NALF1: variants seen among roughly 807,000 people sequenced by gnomAD.
NALF1 encodes the protein NALCN channel auxiliary factor 1.
NALF1 carries 3 observed loss-of-function variants against 48.4 expected under a neutral mutation model. The ratio of observed to expected loss-of-function variants is 0.06; its 90% CI spans 0.03 to 0.16. The LOEUF (loss-of-function observed/expected upper bound fraction) is 0.16. Among genes scored for constraint, NALF1 ranks in the 10% least tolerant of loss-of-function variants. The pLI is 1.00. For missense variants in NALF1, 526 were observed against 571.5 expected (o/e 0.92, Z 0.81); for synonymous variants, 262 against 245.7 (o/e 1.07, Z -0.62).
chr13:107,170,396 A>T lies in NALF1; in HGVS notation c.*101T>A. On this transcript the variant is annotated 3_prime_UTR_variant, in exon 3 of 3. Transcript: ENST00000375915. ...ATTTTACCCTAAAGGCCTTGCAATA[A>T]GTAATTCGAGGGTAAAAGCACCCAG... 8.3e-7 allele frequency: 1 copy of T among 1,206,866 alleles called. No individual in the cohort carries two copies. Among genetic ancestry groups the T allele is most frequent in the South Asian group, 1.5e-5 (1 of 68,028 alleles). 74.8% of individuals were successfully genotyped at this position (1,206,866 alleles called of 1,614,324 possible). A position where few individuals can be genotyped will look rare whatever the true frequency, so the allele number is the denominator to read the frequency against.
At chr13:107,681,150 C>T (rs1313610759) in intron 1 of NALF1, among the ~76,000 whole-genome samples, 4 of 152,088 alleles carry the variant, frequency 2.6e-5, no homozygotes, top group East Asian at 3.9e-4. Flanking sequence ...GCAAAATACC[C>T]GGCCATACAT....
At position 107,867,160 on chromosome 13, in the gene NALF1, TTCCTCCTCCTTC is replaced by T. The variant is rs888189853; in HGVS notation, c.-576_-565del. Among the ~76,000 whole-genome samples the T allele has an allele frequency of 2.0e-5, 3 of 150,070 alleles. No homozygotes were observed. The highest frequency in any genetic ancestry group is 7.3e-5 in the African/African-American group (3 of 40,974). Reference sequence around the variant, plus strand: ...TCCTCCTCCTCTTCTTCTCCTCCTCTTCCTCCTCCTTCCTTTCCTTCTCCTTCTTCTTCTCCT... The same window carrying T: ...TCCTCCTCCTCTTCTTCTCCTCCTCTCTTTCCTTCTCCTTCTTCTTCTCCT... On this transcript the variant is annotated 5_prime_UTR_variant, in exon 1 of 3. Coordinates refer to ENST00000375915, the MANE Select transcript of NALF1 (RefSeq NM_001080396.3). The surrounding 1 kb of genome is among the most constrained non-coding windows in gnomAD (Gnocchi z 4.4).
At chr13:107,234,746 T>C (rs1014294848) in intron 1 of NALF1, among the ~76,000 whole-genome samples, 6 of 152,170 alleles carry the variant, frequency 3.9e-5, no homozygotes, top group African/African-American at 1.4e-4. Flanking sequence ...ACCAAGAGCA[T>C]TTTCAGCTCT....
intron 2 of NALF1, among the ~76,000 whole-genome samples, chr13:107,185,851 G>C (rs1298633822): frequency 6.6e-6 from 1 of 152,102 alleles, no homozygotes; most frequent in Non-Finnish European, 1.5e-5. Context: ...TCAACACTTT[G>C]CTGAGCAGTC....
intron 1 of NALF1, among the ~76,000 whole-genome samples, chr13:107,381,307 C>A (rs1179922183): frequency 6.6e-6 from 1 of 150,988 alleles, no homozygotes; most frequent in Non-Finnish European, 1.5e-5. Context: ...CTCAAGCGAT[C>A]CTGCAGCCTC....
At chr13:107,597,120 C>A (rs1878776761) in intron 1 of NALF1, among the ~76,000 whole-genome samples, 1 of 152,050 alleles carries the variant, frequency 6.6e-6, no homozygotes, top group Non-Finnish European at 1.5e-5. Context: ...TTCATACATG[C>A]CCTCAGAAAA....
chr13:107,273,716 A>G (rs1169908101), intron 1 of NALF1, among the ~76,000 whole-genome samples: 1 of 152,200 alleles, frequency 6.6e-6, no homozygotes, highest in Non-Finnish European at 1.5e-5. Flanking sequence ...GACACTACAC[A>G]TACTGTTTGA....
At chr13:107,624,762 G>C (rs1879621277) in intron 1 of NALF1, among the ~76,000 whole-genome samples, 1 of 152,180 alleles carries the variant, frequency 6.6e-6, no homozygotes, top group Non-Finnish European at 1.5e-5. Context: ...ATTCCTCACT[G>C]CATTAAGCTC....
chr13:107,593,350 AT>A lies in NALF1; in HGVS notation c.915+272331del, dbSNP rs551347882. On this transcript the variant is annotated intron_variant, in intron 1 of 2. Coordinates refer to ENST00000375915, the MANE Select transcript of NALF1 (RefSeq NM_001080396.3). ...TATTTATCCATGGTTTTATTATTTA[AT>A]TTTTATGGCTACTTTTTAACCCTAG... Among the ~76,000 whole-genome samples the A allele has an allele frequency of 2.3e-4, 35 of 151,966 alleles. 1 individual carries two copies. The South Asian group carries it at 7.3e-3, about 32-fold the overall frequency.
intron 2 of NALF1, among the ~76,000 whole-genome samples, chr13:107,173,025 T>TCTA (rs769764504): frequency 3.9e-5 from 6 of 152,186 alleles, no homozygotes; most frequent in Non-Finnish European, 8.8e-5. Context: ...ATAACATGCA[T>TCTA]CTATATTAAG....
At chr13:107,656,234 G>GA (rs888949277) in intron 1 of NALF1, among the ~76,000 whole-genome samples, 1 of 150,980 alleles carries the variant, frequency 6.6e-6, no homozygotes, top group Non-Finnish European at 1.5e-5. Flanking sequence ...CACAGAGTGG[G>GA]AAAAAATCTT....
intron 1 of NALF1, among the ~76,000 whole-genome samples, chr13:107,760,521 T>A (rs978443814): frequency 6.6e-6 from 1 of 152,186 alleles, no homozygotes; most frequent in East Asian, 1.9e-4. Context: ...GAACAAGTAA[T>A]CTGGAAATCT....
chr13:107,176,316 G>GT (rs5806633), intron 2 of NALF1, among the ~76,000 whole-genome samples: 5,252 of 123,244 alleles, frequency 0.043, 185 homozygotes, highest in Non-Finnish European at 0.063. Context: ...CAACCTCACA[G>GT]TTTTTTTTTT....
intron 2 of NALF1, among the ~76,000 whole-genome samples, chr13:107,197,600 T>C (rs1425314968): frequency 6.6e-6 from 1 of 152,236 alleles, no homozygotes; most frequent in Non-Finnish European, 1.5e-5. Context: ...TCCACTCTCG[T>C]GTCTGCATTC....
chr13:107,809,023 C>T (rs1878903552), intron 1 of NALF1, among the ~76,000 whole-genome samples: 2 of 152,050 alleles, frequency 1.3e-5, no homozygotes, highest in South Asian at 4.1e-4. Flanking sequence ...TCAGTGAAAA[C>T]CTATGACTAA....
chr13:107,697,701 C>A (rs1252067917), intron 1 of NALF1, among the ~76,000 whole-genome samples: 2 of 152,204 alleles, frequency 1.3e-5, no homozygotes, highest in African/African-American at 4.8e-5. Flanking sequence ...AATATCTACA[C>A]ACAAATATGA....
At chr13:107,757,295 G>A (rs548257659) in intron 1 of NALF1, among the ~76,000 whole-genome samples, 1 of 152,276 alleles carries the variant, frequency 6.6e-6, no homozygotes, top group East Asian at 1.9e-4. Context: ...GGGTGGGACG[G>A]AGAGGGGGAG....
At chr13:107,522,137 G>C (rs1203149801) in intron 1 of NALF1, among the ~76,000 whole-genome samples, 3 of 152,126 alleles carry the variant, frequency 2.0e-5, no homozygotes, top group African/African-American at 7.2e-5. Context: ...TTTTGCAATT[G>C]AAGGAGAAAA....
At position 107,656,555 on chromosome 13, in the gene NALF1, T is replaced by C. The variant is rs562251757; in HGVS notation, c.915+209127A>G. Among the ~76,000 whole-genome samples the C allele has an allele frequency of 2.0e-3, 297 of 152,286 alleles. 1 individual carries two copies. Among genetic ancestry groups the C allele is most frequent in the African/African-American group, 6.9e-3 (287 of 41,568 alleles). On this transcript the variant is annotated intron_variant, in intron 1 of 2. Coordinates refer to ENST00000375915, the MANE Select transcript of NALF1 (RefSeq NM_001080396.3). ...GTAAAAAGGAACATTTTTACAATGC[T>C]GGTGGGAATGTAAACTGGTACAGCC...
Sources: allele counts gnomAD v4.1 joint callset (sites outside exome capture counted in the v4.1 genomes callset), GRCh38; gene constraint gnomAD v4.1.1; non-coding constraint Gnocchi (gnomAD v3.1); transcripts MANE v1.5; gene names NCBI Gene and HGNC (gene_info 2026-07-23, HGNC 2026-07-21).